SNX29: variants seen among roughly 807,000 people sequenced by gnomAD.
SNX29 encodes sorting nexin 29.
A neutral mutation model predicts 102.1 loss-of-function variants in SNX29; 78 were observed. The ratio of observed to expected loss-of-function variants is 0.76; its 90% CI spans 0.64 to 0.92. The LOEUF is 0.92. SNX29 is among the 40% of genes least tolerant of loss of function. The pLI is 0.00. For missense variants in SNX29, 1,280 were observed against 1,061.7 expected (o/e 1.21, Z -2.86); for synonymous variants, 580 against 414.5 (o/e 1.40, Z -4.85).
At position 11,983,590 on chromosome 16, in the gene SNX29, G is replaced by T. The variant is rs190839306; in HGVS notation, c.7+6777G>T. 8.5e-6 allele frequency: 8 copies of T among 943,614 alleles called. No homozygotes were observed. The African/African-American group carries it at 1.4e-4, about 17-fold the overall frequency. The allele number at this position is 943,614 out of a possible 1,614,324, so 58.5% of individuals were successfully genotyped here. ...GGCACTGGATTGATCTATGATGGTG[G>T]AATGCAAGAAGTACATGTTCTACCA... On this transcript the variant is annotated intron_variant, in intron 1 of 20. Transcript: ENST00000566228.
chr16:12,043,209 G>A (rs2049956712), intron 5 of SNX29, 132 bp downstream of exon 5: 6 of 1,180,226 alleles, frequency 5.1e-6, no homozygotes, highest in Non-Finnish European at 7.2e-6. Context: ...TGACAGCTCC[G>A]GAGTGTTCTG....
At chr16:12,335,412 C>G (rs140014346) in intron 15 of SNX29, among the ~76,000 whole-genome samples, 1,660 of 152,204 alleles carry the variant, frequency 0.011, 14 homozygotes, top group Non-Finnish European at 0.017. Flanking sequence ...CACCTGTAAT[C>G]CCAGCACTTT....
chr16:12,467,575 T>C (rs1329669452), intron 18 of SNX29, among the ~76,000 whole-genome samples: 1 of 152,214 alleles, frequency 6.6e-6, no homozygotes, highest in Non-Finnish European at 1.5e-5. Context: ...ACTGCCTGCA[T>C]CCACTCTGAC....
At chr16:12,088,752 C>T (rs1007697412) in intron 11 of SNX29, among the ~76,000 whole-genome samples, 1 of 151,704 alleles carries the variant, frequency 6.6e-6, no homozygotes, top group Non-Finnish European at 1.5e-5. Context: ...TCAAGACCAG[C>T]CTGGGCAACA....
intron 18 of SNX29, among the ~76,000 whole-genome samples, chr16:12,456,812 A>G (rs1255807869): frequency 2.0e-5 from 3 of 152,130 alleles, no homozygotes; most frequent in Admixed American, 2.0e-4. Context: ...AAAGGTGGAA[A>G]GGTTCTGAGC....
intron 20 of SNX29, among the ~76,000 whole-genome samples, chr16:12,545,006 AAGC>A (rs1364993741): frequency 7.9e-5 from 12 of 152,324 alleles, no homozygotes; most frequent in Admixed American, 2.0e-4. Context: ...CACAGCTAGG[AAGC>A]AGCAGATGTC....
intron 3 of SNX29, among the ~76,000 whole-genome samples, chr16:12,019,089 A>G (rs1218781779): frequency 1.3e-5 from 2 of 152,116 alleles, no homozygotes; most frequent in African/African-American, 2.4e-5. Flanking sequence ...TTCATTCCTT[A>G]TCTGTAGTTC....
At chr16:12,008,333 G>C (rs867198349) in intron 3 of SNX29, among the ~76,000 whole-genome samples, 1 of 151,932 alleles carries the variant, frequency 6.6e-6, no homozygotes, top group African/African-American at 2.4e-5. Context: ...GCAATGGCGC[G>C]ATCTTGGCTC....
At position 12,544,026 on chromosome 16, in the gene SNX29, C is replaced by T. The variant is rs191431146; in HGVS notation, c.2318+19185C>T. 3.4e-3 allele frequency among the ~76,000 whole-genome samples: 522 copies of T among 152,294 alleles called. 3 individuals carry two copies. Among genetic ancestry groups the T allele is most frequent in the African/African-American group, 0.012 (490 of 41,544 alleles). ...TGCAAAAGCCCTGGACTCTAGACCC[C>T]GTTGACTCATCACATTGCAAAGCCA... On this transcript the variant is annotated intron_variant, in intron 20 of 20. Transcript: ENST00000566228.
At chr16:12,227,792 C>T (rs772833711) in intron 14 of SNX29, among the ~76,000 whole-genome samples, 4 of 148,450 alleles carry the variant, frequency 2.7e-5, no homozygotes, top group Non-Finnish European at 4.5e-5. Flanking sequence ...CCCAGCTACT[C>T]GGGAGGCTGA....
intron 15 of SNX29, among the ~76,000 whole-genome samples, chr16:12,335,319 G>A (rs2081414380): frequency 6.6e-6 from 1 of 152,114 alleles, no homozygotes; most frequent in African/African-American, 2.4e-5. Context: ...GCTGCTGGGA[G>A]TATAAGAATT....
At chr16:12,282,501 A>G (rs183632392) in intron 15 of SNX29, among the ~76,000 whole-genome samples, 23 of 152,302 alleles carry the variant, frequency 1.5e-4, no homozygotes, top group Admixed American at 6.5e-4. Context: ...TGCCCAACCC[A>G]TCTCCAGCAT....
chr16:12,406,146 A>G (rs767737035), intron 18 of SNX29, among the ~76,000 whole-genome samples: 41 of 152,364 alleles, frequency 2.7e-4, no homozygotes, highest in Non-Finnish European at 4.4e-4. Context: ...ATCAGGGTCA[A>G]TGAAAATGTA....
At chr16:12,078,973 A>G in intron 11 of SNX29, 58 bp downstream of exon 11, 3 of 1,441,308 alleles carry the variant, frequency 2.1e-6, no homozygotes, top group Admixed American at 2.1e-5. Flanking sequence ...CCCACGTCTC[A>G]TGGCGGTGCC....
intron 15 of SNX29, among the ~76,000 whole-genome samples, chr16:12,314,409 G>C (rs1235555683): frequency 1.3e-5 from 2 of 152,242 alleles, no homozygotes; most frequent in East Asian, 1.9e-4. Context: ...GTGGACTCTG[G>C]AGCCAGACAG....
chr16:12,560,354 A>C (rs1013369574), intron 20 of SNX29, among the ~76,000 whole-genome samples: 2 of 152,140 alleles, frequency 1.3e-5, no homozygotes, highest in Non-Finnish European at 2.9e-5. Context: ...ATTTACATTC[A>C]TCTGGTGACA....
intron 14 of SNX29, among the ~76,000 whole-genome samples, chr16:12,239,728 G>T (rs1249241674): frequency 6.6e-6 from 1 of 151,590 alleles, no homozygotes; most frequent in East Asian, 1.9e-4. Flanking sequence ...GCTGAGGCAG[G>T]AGGATTGCTT....
chr16:12,239,236 T>C (rs1202194571), intron 14 of SNX29, among the ~76,000 whole-genome samples: 1 of 152,158 alleles, frequency 6.6e-6, no homozygotes, highest in African/African-American at 2.4e-5. Context: ...TGATGTTCAT[T>C]GCGTTCATTG....
At chr16:12,163,397 C>G (rs974822566) in intron 13 of SNX29, among the ~76,000 whole-genome samples, 2 of 152,112 alleles carry the variant, frequency 1.3e-5, no homozygotes, top group African/African-American at 4.8e-5. Context: ...GTTTGACGGA[C>G]TAGACTCTGC....
Sources: allele counts gnomAD v4.1 joint callset (sites outside exome capture counted in the v4.1 genomes callset), GRCh38; gene constraint gnomAD v4.1.1; transcripts MANE v1.5; gene names NCBI Gene and HGNC (gene_info 2026-07-23, HGNC 2026-07-21).